The following GNAT3 variants were observed in gnomAD, a reference collection of about 807,000 sequenced individuals.
GNAT3 encodes guanine nucleotide-binding protein G(t) subunit alpha-3.
GNAT3 carries 31 observed loss-of-function variants against 37.7 expected under a neutral mutation model. The ratio of observed to expected loss-of-function variants is 0.82; its 90% CI spans 0.62 to 1.11. The LOEUF (loss-of-function observed/expected upper bound fraction) is 1.11, where lower values mean the gene tolerates loss of function less well. Among genes scored for constraint, GNAT3 ranks in the 50% most tolerant of loss-of-function variants. GNAT3 has a pLI of 0.00. For synonymous variants in GNAT3, 138 were observed against 139.8 expected, an observed-to-expected ratio of 0.99 and a Z score of 0.09; for missense variants, 437 against 412.5, an observed-to-expected ratio of 1.06 and a Z score of -0.51.
intron 5 of GNAT3, among the ~76,000 whole-genome samples, chr7:80,473,719 T>C (rs1790256049): frequency 6.6e-6 from 1 of 152,170 alleles, no homozygotes; most frequent in Admixed American, 6.6e-5. Context: ...CTCTCGATAA[T>C]ATAACCGCAA....
At chr7:80,499,729 A>C (rs952447120) in intron 1 of GNAT3, among the ~76,000 whole-genome samples, 1 of 152,314 alleles carries the variant, frequency 6.6e-6, no homozygotes, top group African/African-American at 2.4e-5. Context: ...TGCACATGAC[A>C]GCCCATCACA....
intron 2 of GNAT3, among the ~76,000 whole-genome samples, chr7:80,493,226 A>G (rs1451205295): frequency 6.6e-6 from 1 of 152,098 alleles, no homozygotes; most frequent in African/African-American, 2.4e-5. Flanking sequence ...AAGCATGATC[A>G]CAGCCTGGGA....
At chr7:80,471,283 C>T (rs1790212841) in intron 5 of GNAT3, among the ~76,000 whole-genome samples, 5 of 151,152 alleles carry the variant, frequency 3.3e-5, no homozygotes, top group Admixed American at 2.6e-4. Flanking sequence ...CCTTTCCCAG[C>T]CCACTGATTC....
At chr7:80,477,100 C>T (rs1472120194) in intron 4 of GNAT3, among the ~76,000 whole-genome samples, 1 of 151,778 alleles carries the variant, frequency 6.6e-6, no homozygotes, top group East Asian at 1.9e-4. Flanking sequence ...GTAGATAGTC[C>T]CAGTGTAAAA....
At chr7:80,488,813 T>C (rs1790536931) in intron 2 of GNAT3, 137 bp from the exon 3 acceptor site, 1 of 550,300 alleles carries the variant, frequency 1.8e-6, no homozygotes, top group Non-Finnish European at 3.1e-6. Flanking sequence ...ATATGCTAAC[T>C]CTAAACAATT....
intron 3 of GNAT3, among the ~76,000 whole-genome samples, chr7:80,485,807 A>G (rs1232735570): frequency 1.3e-5 from 2 of 152,196 alleles, no homozygotes; most frequent in East Asian, 3.8e-4. Context: ...CTCTGTATAT[A>G]GTGGATTTCT....
intron 5 of GNAT3, among the ~76,000 whole-genome samples, chr7:80,467,082 C>T (rs1790139687): frequency 6.6e-6 from 1 of 152,026 alleles, no homozygotes; most frequent in Non-Finnish European, 1.5e-5. Flanking sequence ...TGGTTTGTTC[C>T]TAAACTCACA....
At chr7:80,488,945 A>G (rs987840101) in intron 2 of GNAT3, among the ~76,000 whole-genome samples, 1 of 152,104 alleles carries the variant, frequency 6.6e-6, no homozygotes, top group South Asian at 2.1e-4. Context: ...AAATGGGTAA[A>G]TCATAAGCAT....
chr7:80,462,458 A>G (rs778671162), intron 6 of GNAT3, 44 bp downstream of exon 6: 1 of 1,604,364 alleles, frequency 6.2e-7, no homozygotes, highest in Non-Finnish European at 8.5e-7. Flanking sequence ...TGAAAAGCAC[A>G]AAGATTACTT....
chr7:80,493,792 C>T (rs1487498337), intron 2 of GNAT3, among the ~76,000 whole-genome samples: 2 of 109,114 alleles, frequency 1.8e-5, no homozygotes, highest in African/African-American at 3.4e-5. Context: ...CCACCTCTTT[C>T]CTCCTCCTCC....
rs1257783071 is a variant in GNAT3, at chr7:80,474,231, G to A, written c.590+20C>T. ...TGATGCATACTTCTGTCTACAGTTA[G>A]AAAAGATATTTGATCATACCTGAAG... On this transcript the variant is annotated intron_variant, in intron 5 of 7. Transcript: ENST00000398291. 7 of 1,600,384 alleles carry A rather than the reference G, an allele frequency of 4.4e-6. No individual in the cohort carries two copies. In the South Asian group the frequency reaches 6.8e-5, roughly 15 times the overall value.
At chr7:80,487,050 C>G (rs1298476278) in intron 3 of GNAT3, among the ~76,000 whole-genome samples, 1 of 152,058 alleles carries the variant, frequency 6.6e-6, no homozygotes. Context: ...GCAAAAAGCA[C>G]TATAATGGAA....
chr7:80,461,718 T>C (rs925064622), intron 7 of GNAT3, among the ~76,000 whole-genome samples: 1 of 152,100 alleles, frequency 6.6e-6, no homozygotes, highest in Non-Finnish European at 1.5e-5. Context: ...AAAATGAAGA[T>C]GTCATTATTC....
At chr7:80,494,774 G>T in intron 1 of GNAT3, 127 bp from the exon 2 acceptor site, 1 of 610,426 alleles carries the variant, frequency 1.6e-6, no homozygotes, top group Non-Finnish European at 2.9e-6. Flanking sequence ...GTGCAGTTTT[G>T]TTACATGGAT....
rs1790001818 is a variant in GNAT3, at chr7:80,458,986, C to A, written c.875-125G>T. ...ACAAAGTATTGCAAAATCATAAAGG[C>A]AACGGTCAATTATCAGGGTGCTGGG... On this transcript the variant is annotated intron_variant, in intron 7 of 7. Transcript: ENST00000398291. 4 of 646,326 alleles carry A rather than the reference C, an allele frequency of 6.2e-6. No individual in the cohort carries two copies. In the East Asian group the frequency reaches 9.4e-5, roughly 15 times the overall value. The allele number at this position is 646,326 out of a possible 1,614,324, so 40.0% of individuals were successfully genotyped here.
intron 1 of GNAT3, among the ~76,000 whole-genome samples, chr7:80,505,690 T>G (rs1314882182): frequency 1.3e-5 from 2 of 152,172 alleles, no homozygotes; most frequent in African/African-American, 2.4e-5. Context: ...TAGATATCTT[T>G]AAAAAACAAT....
chr7:80,498,695 G>A (rs1354169226), intron 1 of GNAT3, among the ~76,000 whole-genome samples: 1 of 152,064 alleles, frequency 6.6e-6, no homozygotes, highest in Non-Finnish European at 1.5e-5. Flanking sequence ...ATCCGCTGAT[G>A]GTGTCCTGAA....
Position 80,488,600 on chromosome 7 carries a change from A to T in GNAT3, c.238T>A (p.Ser80Thr). 2.5e-6 allele frequency: 4 copies of T among 1,595,420 alleles called. No homozygotes were observed. The highest frequency in any genetic ancestry group is 3.4e-6 in the Non-Finnish European group (4 of 1,168,704). The change falls in exon 3 of 8, where the codon TCC (serine) becomes ACC (threonine). Residue 80 changes from serine to threonine, a missense_variant. Physicochemically the swap from Ser to Thr is moderately conservative, Grantham distance 58 (BLOSUM62 1). Coordinates refer to ENST00000398291, the MANE Select transcript of GNAT3 (RefSeq NM_001102386.3). ...ATGGCTTTCACAATAGCTAGGATGG[A>T]TTGCAATGTATTACTGTAAATTACT... ...KAVIYSNTLQ[S>T]ILAIVKAMTT...
At chr7:80,483,761 C>T (rs530953469) in intron 3 of GNAT3, among the ~76,000 whole-genome samples, 2 of 152,114 alleles carry the variant, frequency 1.3e-5, no homozygotes, top group South Asian at 4.1e-4. Context: ...CTTCCTTTTT[C>T]ACTCAAGTCT....
Sources: gnomAD v4.1 joint callset for allele counts (sites outside exome capture counted in the v4.1 genomes callset) on GRCh38, gnomAD v4.1.1 for gene constraint, MANE v1.5 for transcripts, NCBI Gene and HGNC (gene_info 2026-07-23, HGNC 2026-07-21) for gene names.